JARID2: variants seen among roughly 807,000 people sequenced by gnomAD.
JARID2 encodes the protein protein Jumonji.
In JARID2, 21 loss-of-function variants were observed where a neutral mutation model predicts 125.6. That is an observed-to-expected ratio of 0.17 (90% confidence interval 0.12 to 0.24). The LOEUF (loss-of-function observed/expected upper bound fraction) is 0.24. JARID2 is among the 10% of genes least tolerant of loss of function. The probability of loss-of-function intolerance (pLI) is 1.00; values close to 1 mark genes in which losing one functional copy is unlikely to be tolerated. For synonymous variants in JARID2, 736 were observed against 661.6 expected (o/e 1.11, Z -1.73); for missense variants, 1,303 against 1,639.6 (o/e 0.79, Z 3.55).
chr6:15,286,615 CTT>C (rs1291179111), intron 1 of JARID2, among the ~76,000 whole-genome samples: 4 of 151,352 alleles, frequency 2.6e-5, no homozygotes, highest in African/African-American at 9.7e-5. Context: ...ATTCCCAGCA[CTT>C]TGGGAGGCCG....
intron 1 of JARID2, among the ~76,000 whole-genome samples, chr6:15,256,442 A>G (rs535876350): frequency 6.6e-6 from 1 of 152,336 alleles, no homozygotes; most frequent in South Asian, 2.1e-4. Flanking sequence ...GTGCACGAAG[A>G]TGTTTAAAGA....
chr6:15,510,055 A>G (rs1201793917), intron 12 of JARID2, among the ~76,000 whole-genome samples: 1 of 152,148 alleles, frequency 6.6e-6, no homozygotes, highest in African/African-American at 2.4e-5. Context: ...GGCCTCAGAG[A>G]GAAATGCTTT....
intron 3 of JARID2, among the ~76,000 whole-genome samples, chr6:15,421,693 A>G (rs1316562452): frequency 6.6e-6 from 1 of 152,190 alleles, no homozygotes. Flanking sequence ...AGCTGAGTTA[A>G]TAGGATTTGG....
At chr6:15,302,735 ATTTT>A (rs1181786550) in intron 1 of JARID2, among the ~76,000 whole-genome samples, 2 of 151,804 alleles carry the variant, frequency 1.3e-5, no homozygotes, top group Non-Finnish European at 1.5e-5. Flanking sequence ...GTGGTTATTT[ATTTT>A]TTATTTATTT....
intron 3 of JARID2, among the ~76,000 whole-genome samples, chr6:15,416,875 A>G (rs1054645907): frequency 7.2e-5 from 11 of 152,082 alleles, no homozygotes; most frequent in African/African-American, 2.4e-4. Flanking sequence ...TAAAGTGTGT[A>G]TTTGCCCCAT....
chr6:15,311,944 A>G (rs1382436495), intron 1 of JARID2, among the ~76,000 whole-genome samples: 22 of 152,144 alleles, frequency 1.4e-4, no homozygotes, highest in Admixed American at 3.3e-4. Flanking sequence ...CTTTTATTTA[A>G]TTTGGATGGC....
At chr6:15,360,192 AT>A (rs963628330) in intron 1 of JARID2, among the ~76,000 whole-genome samples, 1 of 151,056 alleles carries the variant, frequency 6.6e-6, no homozygotes, top group Non-Finnish European at 1.5e-5. Flanking sequence ...TAATTAATTA[AT>A]TTTTTTTGAG....
chr6:15,370,086 G>A (rs1764110618), intron 1 of JARID2, among the ~76,000 whole-genome samples: 1 of 152,186 alleles, frequency 6.6e-6, no homozygotes, highest in Admixed American at 6.5e-5. Flanking sequence ...ATGTCAGTGG[G>A]AACAGTGAGA....
At position 15,410,507 on chromosome 6, in the gene JARID2, T is replaced by A. The variant is rs1765832032; in HGVS notation, c.323+142T>A. Reference sequence around the variant, plus strand: ...GGAGCCAGAATCATGAGGTTTCGTATCAAATGCCCTGCTTTCTAAGTATTG... The same window carrying A: ...GGAGCCAGAATCATGAGGTTTCGTAACAAATGCCCTGCTTTCTAAGTATTG... On this transcript the variant is annotated intron_variant, in intron 3 of 17. Coordinates refer to ENST00000341776, the MANE Select transcript of JARID2 (RefSeq NM_004973.4). 3 of 766,560 alleles carry A rather than the reference T, an allele frequency of 3.9e-6. No individual in the cohort carries two copies. In the African/African-American group the frequency reaches 5.3e-5, roughly 13 times the overall value. 47.5% of individuals were successfully genotyped at this position (766,560 alleles called of 1,614,324 possible). A position where few individuals can be genotyped will look rare whatever the true frequency, so the allele number is the denominator to read the frequency against.
chr6:15,314,768 G>A (rs770547862), intron 1 of JARID2, among the ~76,000 whole-genome samples: 96 of 152,150 alleles, frequency 6.3e-4, no homozygotes, highest in Non-Finnish European at 1.3e-3. Flanking sequence ...TGAAATGAAT[G>A]GGCAGCAATA....
At chr6:15,284,287 A>G (rs936596266) in intron 1 of JARID2, among the ~76,000 whole-genome samples, 1 of 152,138 alleles carries the variant, frequency 6.6e-6, no homozygotes, top group Non-Finnish European at 1.5e-5. Context: ...TCAGCCACAT[A>G]TTATGGATGT....
Position 15,401,096 on chromosome 6 carries a change from G to C in JARID2, c.182-9128G>C, listed in dbSNP as rs1164225900. The C allele has an allele frequency of 1.5e-5, 19 of 1,288,426 alleles. No individual in the cohort carries two copies. In the Admixed American group the frequency reaches 3.9e-4, roughly 27 times the overall value. The allele number at this position is 1,288,426 out of a possible 1,614,324, so 79.8% of individuals were successfully genotyped here. On this transcript the variant is annotated intron_variant, in intron 2 of 17. Coordinates refer to ENST00000341776, the MANE Select transcript of JARID2 (RefSeq NM_004973.4). Reference sequence around the variant, plus strand: ...TGGTATGGCTTTTGTTGGAGAAATAGGCCTTTGTGGGTTTCCCTGCTGGGG... The same window carrying C: ...TGGTATGGCTTTTGTTGGAGAAATACGCCTTTGTGGGTTTCCCTGCTGGGG...
At chr6:15,252,889 C>A (rs1261439441) in intron 1 of JARID2, among the ~76,000 whole-genome samples, 1 of 152,182 alleles carries the variant, frequency 6.6e-6, no homozygotes, top group East Asian at 1.9e-4. Context: ...TCCATACTTG[C>A]CTCACCCTTG....
At chr6:15,485,933 C>A (rs1769844002) in intron 5 of JARID2, among the ~76,000 whole-genome samples, 1 of 152,170 alleles carries the variant, frequency 6.6e-6, no homozygotes, top group Admixed American at 6.5e-5. Context: ...AAGAGATTTA[C>A]AACTCAAAGG....
At chr6:15,475,584 C>T (rs1035319733) in intron 5 of JARID2, among the ~76,000 whole-genome samples, 3 of 152,236 alleles carry the variant, frequency 2.0e-5, no homozygotes, top group East Asian at 1.9e-4. Flanking sequence ...TGAGCCAGGC[C>T]GTGCTGCACC....
intron 1 of JARID2, among the ~76,000 whole-genome samples, chr6:15,346,337 C>A (rs1315082271): frequency 6.6e-6 from 1 of 152,102 alleles, no homozygotes; most frequent in Non-Finnish European, 1.5e-5. Flanking sequence ...TTACTGTCTG[C>A]TGTTTTGTGG....
intron 1 of JARID2, among the ~76,000 whole-genome samples, chr6:15,356,669 C>T (rs1462186522): frequency 6.6e-6 from 1 of 152,110 alleles, no homozygotes; most frequent in Non-Finnish European, 1.5e-5. Context: ...AGACAAGCGA[C>T]TGAGTTGTTT....
chr6:15,354,659 G>A (rs747476750), intron 1 of JARID2, among the ~76,000 whole-genome samples: 4 of 152,040 alleles, frequency 2.6e-5, no homozygotes, highest in Non-Finnish European at 4.4e-5. Flanking sequence ...GTAAACAGCT[G>A]GGATTTGAAC....
intron 1 of JARID2, among the ~76,000 whole-genome samples, chr6:15,362,391 G>A (rs1348064603): frequency 1.3e-5 from 2 of 152,176 alleles, no homozygotes; most frequent in Non-Finnish European, 2.9e-5. Flanking sequence ...AAAAAGAATT[G>A]AGAATGGACT....
Sources: gnomAD v4.1 joint callset for allele counts (sites outside exome capture counted in the v4.1 genomes callset) on GRCh38, gnomAD v4.1.1 for gene constraint, MANE v1.5 for transcripts, NCBI Gene and HGNC (gene_info 2026-07-23, HGNC 2026-07-21) for gene names.